CCDC60: variants seen among roughly 807,000 people sequenced by gnomAD.
CCDC60 encodes coiled-coil domain-containing protein 60.
In CCDC60, 54 loss-of-function variants were observed where a neutral mutation model predicts 63.5. The ratio of observed to expected loss-of-function variants is 0.85; its 90% CI spans 0.68 to 1.07. The LOEUF is 1.07. Ranked by LOEUF, CCDC60 falls within the 50% of genes least tolerant of loss-of-function variation. The pLI is 0.00. For missense variants in CCDC60, 651 were observed against 684.3 expected (o/e 0.95, Z 0.54); for synonymous variants, 206 against 238.8 (o/e 0.86, Z 1.27).
chr12:119,501,548 GAT>G (rs1951851736), intron 6 of CCDC60, among the ~76,000 whole-genome samples: 2 of 152,262 alleles, frequency 1.3e-5, no homozygotes, highest in South Asian at 4.1e-4. Flanking sequence ...CTGACCCCAT[GAT>G]TATAGTTGCC....
intron 1 of CCDC60, among the ~76,000 whole-genome samples, chr12:119,393,868 G>C (rs1956204338): frequency 6.6e-6 from 1 of 152,170 alleles, no homozygotes. Flanking sequence ...GTGCAACAGG[G>C]CTACAATGAA....
At chr12:119,539,403 C>G (rs1030628014) in intron 13 of CCDC60, among the ~76,000 whole-genome samples, 2 of 152,226 alleles carry the variant, frequency 1.3e-5, no homozygotes, top group Non-Finnish European at 2.9e-5. Flanking sequence ...AAGGAGGAAT[C>G]TAGAGAGGCA....
intron 1 of CCDC60, among the ~76,000 whole-genome samples, chr12:119,394,564 C>T (rs1366913431): frequency 6.6e-6 from 1 of 152,154 alleles, no homozygotes; most frequent in Non-Finnish European, 1.5e-5. Context: ...GAATGAATAC[C>T]CCCATGGATG....
At chr12:119,379,380 C>T (rs1955986483) in intron 1 of CCDC60, among the ~76,000 whole-genome samples, 1 of 152,212 alleles carries the variant, frequency 6.6e-6, no homozygotes, top group African/African-American at 2.4e-5. Context: ...CCAGGGCTTG[C>T]ATCTGGAGCC....
In CCDC60 at chr12:119,516,714, G is replaced by T; in HGVS notation, c.968+7G>T. ...TGCAAAGAAAAGCACCCAGGTATGT[G>T]CTCTTGACTCCTGGGGCAAATAAAG... is the stretch of plus-strand genomic sequence containing the variant. On this transcript the variant is annotated splice_region_variant and intron_variant, in intron 8 of 13. Coordinates refer to ENST00000327554, the MANE Select transcript of CCDC60 (RefSeq NM_178499.5). 6.3e-7 allele frequency: 1 copy of T among 1,590,302 alleles called. No individual in the cohort carries two copies.
chr12:119,479,548 C>A (rs886436890), intron 4 of CCDC60: 2 of 222,246 alleles, frequency 9.0e-6, no homozygotes, highest in Non-Finnish European at 1.8e-5. Context: ...TTCCCCAAGA[C>A]TCAAGGAGCT....
In CCDC60 at chr12:119,467,674, CCAAAG is replaced by C. The variant is rs564009115; in HGVS notation, c.171-4317_171-4313del. ...GTCTATGGTATTTTTGTAACAGCAG[CCAAAG>C]CAGACTGAAACAGAGTCCACCCCAT... On this transcript the variant is annotated intron_variant, in intron 2 of 13. Coordinates refer to ENST00000327554, the MANE Select transcript of CCDC60 (RefSeq NM_178499.5). 9.8e-5 allele frequency among the ~76,000 whole-genome samples: 15 copies of C among 152,294 alleles called. No individual in the cohort carries two copies. In the South Asian group the frequency reaches 3.1e-3, roughly 32 times the overall value.
At position 119,516,669 on chromosome 12, in the gene CCDC60, A is replaced by T; in HGVS notation, c.930A>T (p.Thr310=). ...TGGTTCGGGAAGATGCCCGGAGGACAGTCACAATAGAAAATGGGATGCAAA... is the reference window on the plus strand; with the variant it reads ...TGGTTCGGGAAGATGCCCGGAGGACTGTCACAATAGAAAATGGGATGCAAA... The part of the protein sequence containing the change: ...LEMVREDARR[T]VTIENGMQRK... Residue 310 remains threonine, a synonymous_variant, in exon 8 of 14, where the codon ACA becomes ACT. Transcript: ENST00000327554. 6.2e-7 allele frequency: 1 copy of T among 1,614,008 alleles called. No individual in the cohort carries two copies. The highest frequency in any genetic ancestry group is 8.5e-7 in the Non-Finnish European group (1 of 1,179,902).
rs1409978282 is a variant in CCDC60 at position 119,420,021 on chromosome 12, C to T, written c.91-8662C>T. 6.6e-6 allele frequency among the ~76,000 whole-genome samples: 1 copy of T among 151,814 alleles called. No homozygotes were observed. The highest frequency in any genetic ancestry group is 1.5e-5 in the Non-Finnish European group (1 of 67,940). On this transcript the variant is annotated intron_variant, in intron 1 of 13. Transcript: ENST00000327554. The surrounding 1 kb of genome is among the most constrained non-coding windows in gnomAD (Gnocchi z 4.1). ...CCTCCCGAGTAGCTGGGACTACAGG[C>T]ACCCACCACCACACCTGGGTAATTT...
intron 2 of CCDC60, among the ~76,000 whole-genome samples, chr12:119,431,307 G>A (rs1400436244): frequency 6.6e-6 from 1 of 152,230 alleles, no homozygotes; most frequent in Non-Finnish European, 1.5e-5. Flanking sequence ...GAAGGCCAGT[G>A]AGTCAGGAGT....
At chr12:119,536,083 T>G (rs1473751801) in intron 13 of CCDC60, among the ~76,000 whole-genome samples, 1 of 152,168 alleles carries the variant, frequency 6.6e-6, no homozygotes, top group East Asian at 1.9e-4. Context: ...GCCTTGCTTT[T>G]TGAATCTGGG....
chr12:119,398,024 GGGAGGGAGGAAGGGGCA>G (rs1956304252), intron 1 of CCDC60, among the ~76,000 whole-genome samples: 1 of 34,874 alleles, frequency 2.9e-5, no homozygotes, highest in African/African-American at 1.4e-4. Context: ...AGGGGGCGGC[GGGAGGGAGGAAGGGGCA>G]GCGGGGGGGG....
At chr12:119,442,124 AT>A (rs1216266450) in intron 2 of CCDC60, among the ~76,000 whole-genome samples, 1 of 152,140 alleles carries the variant, frequency 6.6e-6, no homozygotes, top group Non-Finnish European at 1.5e-5. Context: ...ACTTGCAACA[AT>A]TTTCTATGCA....
At chr12:119,351,441 A>T (rs980675212) in intron 1 of CCDC60, among the ~76,000 whole-genome samples, 1 of 152,220 alleles carries the variant, frequency 6.6e-6, no homozygotes, top group African/African-American at 2.4e-5. Flanking sequence ...TAATTGGCTC[A>T]TGGCTCTGCA....
chr12:119,339,646 C>T (rs1476886036), intron 1 of CCDC60, among the ~76,000 whole-genome samples: 1 of 151,996 alleles, frequency 6.6e-6, no homozygotes, highest in Non-Finnish European at 1.5e-5. Flanking sequence ...CAGAACAAAA[C>T]AAAACAAAAG....
At chr12:119,336,972 T>C (rs1291596563) in intron 1 of CCDC60, among the ~76,000 whole-genome samples, 4 of 152,228 alleles carry the variant, frequency 2.6e-5, no homozygotes, top group Admixed American at 2.6e-4. Flanking sequence ...TGGTCCACTC[T>C]AGTGCATCCA....
At chr12:119,512,649 G>A (rs921376808) in intron 7 of CCDC60, among the ~76,000 whole-genome samples, 2 of 152,162 alleles carry the variant, frequency 1.3e-5, no homozygotes, top group East Asian at 1.9e-4. Flanking sequence ...AACCAACATC[G>A]GCCACACTGC....
rs937723607 is a variant in CCDC60, at chr12:119,456,179, C to T, written c.171-15815C>T. On this transcript the variant is annotated intron_variant, in intron 2 of 13. Coordinates refer to ENST00000327554, the MANE Select transcript of CCDC60 (RefSeq NM_178499.5). This position sits in a 1 kb window ranked among gnomAD's most constrained non-coding sequence, Gnocchi z 4.6. Reference sequence around the variant, plus strand: ...ATTGCTAGGAGGAGAAGGAAGGACTCAGGACTTCACCCTGAGAACAGTAGG... The same window carrying T: ...ATTGCTAGGAGGAGAAGGAAGGACTTAGGACTTCACCCTGAGAACAGTAGG... 3.9e-4 allele frequency among the ~76,000 whole-genome samples: 59 copies of T among 152,074 alleles called. No individual in the cohort carries two copies. The highest frequency in any genetic ancestry group is 1.4e-3 in the African/African-American group (56 of 41,408).
intron 1 of CCDC60, among the ~76,000 whole-genome samples, chr12:119,379,317 G>A (rs1034015077): frequency 1.3e-5 from 2 of 152,374 alleles, no homozygotes; most frequent in Non-Finnish European, 2.9e-5. Flanking sequence ...ACACTCAAAT[G>A]TTTTGTGGCC....
Sources: gnomAD v4.1 joint callset for allele counts (sites outside exome capture counted in the v4.1 genomes callset) on GRCh38, gnomAD v4.1.1 for gene constraint, Gnocchi (gnomAD v3.1) non-coding constraint, MANE v1.5 for transcripts, NCBI Gene and HGNC (gene_info 2026-07-23, HGNC 2026-07-21) for gene names.